Variants in GRAMD4 observed in about 807,000 individuals in gnomAD.
GRAMD4 encodes GRAM domain-containing protein 4.
A neutral mutation model predicts 83.9 loss-of-function variants in GRAMD4; 25 were observed. The observed-to-expected ratio is 0.30, with a 90% CI of 0.22 to 0.42. The LOEUF (loss-of-function observed/expected upper bound fraction) is 0.42. GRAMD4 is among the 10% of genes least tolerant of loss of function. The pLI is 1.00. For synonymous variants in GRAMD4, 336 were observed against 320.9 expected, an observed-to-expected ratio of 1.05 and a Z score of -0.50; for missense variants, 593 against 788.7, an observed-to-expected ratio of 0.75 and a Z score of 2.97.
intron 1 of GRAMD4, among the ~76,000 whole-genome samples, chr22:46,614,024 C>G (rs766203190): frequency 6.6e-6 from 1 of 152,194 alleles, no homozygotes; most frequent in Non-Finnish European, 1.5e-5. Flanking sequence ...ACGCGGGTTC[C>G]CAGGAGCTGA....
intron 3 of GRAMD4, among the ~76,000 whole-genome samples, chr22:46,643,981 C>A (rs779426298): frequency 1.3e-5 from 2 of 152,212 alleles, no homozygotes; most frequent in Non-Finnish European, 2.9e-5. Flanking sequence ...CCTCTCTTCC[C>A]CTGTAGATAA....
At chr22:46,637,593 A>G (rs1167525093) in intron 2 of GRAMD4, among the ~76,000 whole-genome samples, 1 of 152,186 alleles carries the variant, frequency 6.6e-6, no homozygotes, top group Non-Finnish European at 1.5e-5. Context: ...GAGGATATCC[A>G]CATTCTCTGA....
intron 13 of GRAMD4, among the ~76,000 whole-genome samples, chr22:46,669,449 C>T (rs966520915): frequency 6.6e-6 from 1 of 152,276 alleles, no homozygotes; most frequent in East Asian, 1.9e-4. Flanking sequence ...GGTGGCCCCC[C>T]CTCACCCCAG....
rs1330619819 is a variant in GRAMD4 at position 46,639,319 on chromosome 22, T to A, written c.283+1359T>A. 3.7e-5 allele frequency among the ~76,000 whole-genome samples: 5 copies of A among 133,936 alleles called. No individual in the cohort carries two copies. In the East Asian group the frequency reaches 7.8e-4, roughly 21 times the overall value. The allele number at this position is 133,936 out of a possible 152,430, so 87.9% of individuals were successfully genotyped here. On this transcript the variant is annotated intron_variant, in intron 3 of 18. Coordinates refer to ENST00000406902, the MANE Select transcript of GRAMD4 (RefSeq NM_015124.5). Reference sequence around the variant, plus strand: ...CTGTGTGCAGCGGTGGTTAACCCTGTGTGTGTGTGCACGTGTGTGGTGGTT... The same window carrying A: ...CTGTGTGCAGCGGTGGTTAACCCTGAGTGTGTGTGCACGTGTGTGGTGGTT...
intron 8 of GRAMD4, among the ~76,000 whole-genome samples, chr22:46,664,596 C>T (rs1396121072): frequency 1.3e-5 from 2 of 152,338 alleles, no homozygotes; most frequent in South Asian, 2.1e-4. Flanking sequence ...GAAAAGGTGC[C>T]CAGCCGTCCT....
chr22:46,641,387 A>G (rs1397495337), intron 3 of GRAMD4, among the ~76,000 whole-genome samples: 1 of 84,958 alleles, frequency 1.2e-5, no homozygotes, highest in East Asian at 3.9e-4. Context: ...CTCTAAATAA[A>G]TAAATAAGGA....
chr22:46,603,737 C>T (rs909783312), intron 1 of GRAMD4, among the ~76,000 whole-genome samples: 1 of 151,500 alleles, frequency 6.6e-6, no homozygotes, highest in Non-Finnish European at 1.5e-5. Context: ...AGGATGGTCT[C>T]GATCTCCTGA....
chr22:46,669,028 CT>C, intron 13 of GRAMD4, 120 bp downstream of exon 13: 1 of 635,756 alleles, frequency 1.6e-6, no homozygotes, highest in Non-Finnish European at 2.8e-6. Flanking sequence ...CCTTCCTCTG[CT>C]TTTTGTCACA....
chr22:46,626,853 C>G lies in GRAMD4; in HGVS notation c.54C>G (p.Phe18Leu), dbSNP rs746891661. The G allele has an allele frequency of 5.0e-6, 8 of 1,613,934 alleles. No homozygotes were observed. The Admixed American group carries it at 1.3e-4, about 27-fold the overall frequency. Residue 18 changes from phenylalanine (F) to leucine (L), a missense_variant, in exon 2 of 19, where the codon TTC (phenylalanine) becomes TTG (leucine). Physicochemically the swap from Phe to Leu is conservative, Grantham distance 22. Around this residue, in one of 4 missense-constraint regions of GRAMD4, gnomAD observed 312 missense variants for 350.7 expected, o/e 0.89. Transcript: ENST00000406902. The part of the protein sequence containing the change: ...IRFRGHKRDD[F>L]LDLAESPNAS... The stretch of plus-strand genomic sequence containing the variant: ...TCAGAGGTCACAAGAGAGATGACTT[C>G]CTCGATCTAGCGGAGTCTCCAAATG...
chr22:46,616,110 G>C (rs1268269565), upstream of GRAMD4, among the ~76,000 whole-genome samples: 3 of 138,082 alleles, frequency 2.2e-5, no homozygotes, highest in African/African-American at 5.5e-5. Context: ...CCTTGTGTAG[G>C]TTCCCCTGTG....
At chr22:46,583,923 G>A (rs1201224989) in intron 1 of GRAMD4, among the ~76,000 whole-genome samples, 1 of 152,186 alleles carries the variant, frequency 6.6e-6, no homozygotes, top group Non-Finnish European at 1.5e-5. Flanking sequence ...GGGCAGAGTG[G>A]CTGTGTCACT....
intron 1 of GRAMD4, among the ~76,000 whole-genome samples, chr22:46,603,649 T>G (rs2081337401): frequency 6.6e-6 from 1 of 151,538 alleles, no homozygotes; most frequent in South Asian, 2.1e-4. Context: ...CTCGAGTAGC[T>G]GGGATTACAG....
At position 46,659,004 on chromosome 22, in the gene GRAMD4, A is replaced by T. The variant is rs1220389589; in HGVS notation, c.404+697A>T. On this transcript the variant is annotated intron_variant, in intron 4 of 18. Transcript: ENST00000406902. This position sits in a 1 kb window ranked among gnomAD's most constrained non-coding sequence, Gnocchi z 4.1. ...CAGGAAGCAGGTCATTCAGGACCCC[A>T]GCGCAAGTTACAAAGCCAGTGCCCT... Among the ~76,000 whole-genome samples, 1 of 152,130 alleles carries T rather than the reference A, an allele frequency of 6.6e-6. No individual in the cohort carries two copies. The highest frequency in any genetic ancestry group is 2.4e-5 in the African/African-American group (1 of 41,410).
intron 1 of GRAMD4, among the ~76,000 whole-genome samples, chr22:46,599,229 G>C (rs2081289703): frequency 6.6e-6 from 1 of 152,200 alleles, no homozygotes; most frequent in Non-Finnish European, 1.5e-5. Context: ...GTGTGTGAGA[G>C]TGCTTGCGTT....
intron 15 of GRAMD4, among the ~76,000 whole-genome samples, chr22:46,674,248 C>G (rs1424978610): frequency 6.6e-6 from 1 of 152,178 alleles, no homozygotes; most frequent in Non-Finnish European, 1.5e-5. Flanking sequence ...CTAAACCGGG[C>G]AGCTCGAGGT....
At chr22:46,646,660 C>G (rs2082076753) in intron 3 of GRAMD4, among the ~76,000 whole-genome samples, 2 of 152,180 alleles carry the variant, frequency 1.3e-5, no homozygotes, top group Non-Finnish European at 2.9e-5. Context: ...TGGACTTGCC[C>G]CTTTGGACCT....
At chr22:46,638,822 T>G (rs1303961853) in intron 3 of GRAMD4, among the ~76,000 whole-genome samples, 2 of 152,222 alleles carry the variant, frequency 1.3e-5, no homozygotes, top group South Asian at 2.1e-4. Flanking sequence ...AGGCAGGGGC[T>G]TACGACCGGG....
In GRAMD4 at chr22:46,580,982, AAAG is replaced by A. The variant is rs1396907200; in HGVS notation, c.-50+3695_-50+3697del. Among the ~76,000 whole-genome samples the A allele has an allele frequency of 5.1e-3, 741 of 146,176 alleles. 8 individuals are homozygous for A. The highest frequency in any genetic ancestry group is 0.017 in the African/African-American group (678 of 40,160). ...AACTCCATCTCAAAAAAAAAAAAAA[AAAG>A]AAAGAAAGAAAAAAGAAAATGCGTG... is the stretch of plus-strand genomic sequence containing the variant. On this transcript the variant is annotated intron_variant, in intron 1 of 1. Transcript: ENST00000431155.
intron 13 of GRAMD4, among the ~76,000 whole-genome samples, chr22:46,669,742 A>AT (rs1443537333): frequency 7.6e-4 from 115 of 151,358 alleles, no homozygotes; most frequent in African/African-American, 2.5e-3. Flanking sequence ...CGCCCAGCTA[A>AT]TTTTTTTTGT....
Sources: allele counts gnomAD v4.1 joint callset (sites outside exome capture counted in the v4.1 genomes callset), GRCh38; gene constraint gnomAD v4.1.1; regional missense constraint gnomAD v4.1.1; non-coding constraint Gnocchi (gnomAD v3.1); transcripts MANE v1.5; gene names NCBI Gene and HGNC (gene_info 2026-07-23, HGNC 2026-07-21).